The following LSM14A variants were observed in gnomAD, a reference collection of about 807,000 sequenced individuals.
LSM14A encodes protein LSM14 homolog A.
A neutral mutation model predicts 52.4 loss-of-function variants in LSM14A; 14 were observed. The ratio of observed to expected loss-of-function variants is 0.27; its 90% CI spans 0.18 to 0.42. The LOEUF (loss-of-function observed/expected upper bound fraction) is 0.42. Among genes scored for constraint, LSM14A ranks in the 10% least tolerant of loss-of-function variants. The pLI, the probability that LSM14A is intolerant of heterozygous loss-of-function variation, is 1.00. For missense variants in LSM14A, 417 were observed against 581.8 expected (o/e 0.72, Z 2.91); for synonymous variants, 185 against 200.3 (o/e 0.92, Z 0.64).
At chr19:34,211,472 C>T (rs1353650753) in intron 4 of LSM14A, among the ~76,000 whole-genome samples, 1 of 151,626 alleles carries the variant, frequency 6.6e-6, no homozygotes, top group Non-Finnish European at 1.5e-5. Flanking sequence ...AAGACAGGGA[C>T]ATAAAAGTTG....
chr19:34,173,475 A>C (rs1454283214), intron 1 of LSM14A, among the ~76,000 whole-genome samples: 1 of 152,186 alleles, frequency 6.6e-6, no homozygotes, highest in Non-Finnish European at 1.5e-5. Context: ...TTGACCAGGC[A>C]AGCTTGACCT....
At chr19:34,182,832 A>T (rs1353879324) in intron 1 of LSM14A, among the ~76,000 whole-genome samples, 2 of 117,156 alleles carry the variant, frequency 1.7e-5, no homozygotes. Context: ...CGACAGTGAG[A>T]CTCCATCTCA....
chr19:34,188,407 A>G (rs1447762027), intron 1 of LSM14A, among the ~76,000 whole-genome samples: 2 of 152,138 alleles, frequency 1.3e-5, no homozygotes, highest in Non-Finnish European at 2.9e-5. Flanking sequence ...CATTCTCTGT[A>G]TTCTCTTGTA....
At chr19:34,189,206 A>C (rs2070167876) in intron 1 of LSM14A, among the ~76,000 whole-genome samples, 1 of 152,184 alleles carries the variant, frequency 6.6e-6, no homozygotes, top group African/African-American at 2.4e-5. Flanking sequence ...CAGCTACATA[A>C]TACTACTTAA....
At chr19:34,180,079 C>T (rs2069369502) in intron 1 of LSM14A, among the ~76,000 whole-genome samples, 1 of 152,124 alleles carries the variant, frequency 6.6e-6, no homozygotes. Flanking sequence ...ACCACCACAC[C>T]CAGCTAATTT....
In LSM14A at chr19:34,196,899, A is replaced by G. The variant is rs1308884017; in HGVS notation, c.415+136A>G. On this transcript the variant is annotated intron_variant, in intron 3 of 9. Coordinates refer to ENST00000544216, the MANE Select transcript of LSM14A (RefSeq NM_015578.4). ...GTAACTTTGTTTTATGGTATTCAGA[A>G]CACATTTTGATGATATCTTAAAGCC... 3 of 735,780 alleles carry G rather than the reference A, an allele frequency of 4.1e-6. No homozygotes were observed. In the African/African-American group the frequency reaches 5.5e-5, roughly 13 times the overall value. The allele number at this position is 735,780 out of a possible 1,614,324, so 45.6% of individuals were successfully genotyped here.
At chr19:34,189,372 A>G (rs1294221771) in intron 1 of LSM14A, among the ~76,000 whole-genome samples, 1 of 152,212 alleles carries the variant, frequency 6.6e-6, no homozygotes, top group African/African-American at 2.4e-5. Flanking sequence ...AAATCCAAGT[A>G]AGCAAATAGA....
intron 8 of LSM14A, 131 bp from the exon 9 acceptor site, chr19:34,221,376 C>A: frequency 9.1e-7 from 1 of 1,094,012 alleles, no homozygotes; most frequent in Non-Finnish European, 1.3e-6. Context: ...GCCATCACGC[C>A]TAGCCAAGAT....
intron 1 of LSM14A, among the ~76,000 whole-genome samples, chr19:34,192,280 G>GTAGGACATTATTTACACTGAAATAACA (rs2070432083): frequency 1.4e-5 from 2 of 139,550 alleles, no homozygotes; most frequent in Admixed American, 7.3e-5. Context: ...GAATAAGAGT[G>GTAGGACATTATTTACACTGAAATAACA]TAGGACATTA....
At chr19:34,190,262 T>C (rs936458135) in intron 1 of LSM14A, among the ~76,000 whole-genome samples, 5 of 152,158 alleles carry the variant, frequency 3.3e-5, no homozygotes, top group Admixed American at 3.3e-4. Context: ...TCTATTGCAT[T>C]GAAAACCCCA....
chr19:34,214,903 G>A (rs1321417203), intron 4 of LSM14A, among the ~76,000 whole-genome samples: 1 of 150,976 alleles, frequency 6.6e-6, no homozygotes, highest in Non-Finnish European at 1.5e-5. Flanking sequence ...TTTTGAAGCT[G>A]TTGAAGTTTT....
intron 1 of LSM14A, among the ~76,000 whole-genome samples, chr19:34,189,338 C>T (rs1441304328): frequency 6.6e-6 from 1 of 152,106 alleles, no homozygotes. Flanking sequence ...TTTAGTGGAC[C>T]TTCAAATCCA....
chr19:34,187,709 T>C (rs2070035062), intron 1 of LSM14A, among the ~76,000 whole-genome samples: 1 of 152,172 alleles, frequency 6.6e-6, no homozygotes, highest in Non-Finnish European at 1.5e-5. Context: ...ATGGAGGTAT[T>C]GTATTGGGAA....
chr19:34,177,990 G>A (rs1431645803), intron 1 of LSM14A, among the ~76,000 whole-genome samples: 1 of 151,762 alleles, frequency 6.6e-6, no homozygotes, highest in Non-Finnish European at 1.5e-5. Context: ...GCGAAACCCC[G>A]TCTCTACTAA....
intron 1 of LSM14A, among the ~76,000 whole-genome samples, chr19:34,189,426 A>G (rs750750370): frequency 1.3e-5 from 2 of 152,202 alleles, no homozygotes; most frequent in African/African-American, 2.4e-5. Flanking sequence ...AGCATCTAGC[A>G]TAGTACCTGG....
intron 3 of LSM14A, among the ~76,000 whole-genome samples, chr19:34,197,182 C>T (rs916953455): frequency 1.3e-5 from 2 of 152,048 alleles, no homozygotes; most frequent in African/African-American, 4.8e-5. Context: ...ACTTCCACCT[C>T]GTGGGTTTAA....
chr19:34,199,356 T>G (rs1011021610), intron 3 of LSM14A, among the ~76,000 whole-genome samples: 2 of 152,128 alleles, frequency 1.3e-5, no homozygotes, highest in African/African-American at 2.4e-5. Flanking sequence ...GTCTCAAACT[T>G]GTGACCTTGA....
intron 2 of LSM14A, 72 bp from the exon 3 acceptor site, chr19:34,196,562 A>C (rs1042338938): frequency 6.9e-7 from 1 of 1,454,326 alleles, no homozygotes; most frequent in South Asian, 1.5e-5. Context: ...AAAAGTAAAA[A>C]TCTGGAATTT....
chr19:34,184,361 G>T (rs917206634), intron 1 of LSM14A, among the ~76,000 whole-genome samples: 1 of 151,978 alleles, frequency 6.6e-6, no homozygotes, highest in African/African-American at 2.4e-5. Flanking sequence ...CCTTTCCTTT[G>T]CTTTTAATAT....
Sources: allele counts gnomAD v4.1 joint callset (sites outside exome capture counted in the v4.1 genomes callset), GRCh38; gene constraint gnomAD v4.1.1; transcripts MANE v1.5; gene names NCBI Gene and HGNC (gene_info 2026-07-23, HGNC 2026-07-21).